Variants in ROBO1 observed in about 807,000 individuals in gnomAD.
ROBO1 encodes roundabout homolog 1.
In ROBO1, 149 loss-of-function variants were observed where a neutral mutation model predicts 195.9. The ratio of observed to expected loss-of-function variants is 0.76; its 90% CI spans 0.67 to 0.87. ROBO1 has a LOEUF of 0.87. Ranked by LOEUF, ROBO1 falls within the 40% of genes least tolerant of loss-of-function variation. The pLI is 0.00. For synonymous variants in ROBO1, 816 were observed against 733.2 expected (o/e 1.11, Z -1.82); for missense variants, 1,933 against 2,068.3 (o/e 0.93, Z 1.27).
intron 2 of ROBO1, among the ~76,000 whole-genome samples, chr3:79,183,077 A>G (rs2081374049): frequency 6.7e-6 from 1 of 148,696 alleles, no homozygotes; most frequent in Admixed American, 6.7e-5. Flanking sequence ...AGAGACTCCA[A>G]CTCAAAAAAA....
intron 3 of ROBO1, among the ~76,000 whole-genome samples, chr3:79,115,355 C>A (rs754163845): frequency 6.6e-6 from 1 of 152,026 alleles, no homozygotes; most frequent in Admixed American, 6.6e-5. Flanking sequence ...GTAAGAGATA[C>A]GAGATGGATC....
intron 1 of ROBO1, among the ~76,000 whole-genome samples, chr3:79,695,744 T>C (rs976271648): frequency 6.6e-6 from 1 of 151,450 alleles, no homozygotes; most frequent in Non-Finnish European, 1.5e-5. Context: ...AGGAATTAAG[T>C]CTTCTAAGAA....
intron 2 of ROBO1, among the ~76,000 whole-genome samples, chr3:79,266,568 A>G (rs1469058359): frequency 6.6e-6 from 1 of 151,588 alleles, no homozygotes; most frequent in Non-Finnish European, 1.5e-5. Context: ...GTATTTAAGC[A>G]TGGACTTCAC....
At chr3:79,387,682 A>C (rs2036803444) in intron 2 of ROBO1, among the ~76,000 whole-genome samples, 1 of 133,674 alleles carries the variant, frequency 7.5e-6, no homozygotes, top group African/African-American at 2.7e-5. Context: ...ACAAATATGT[A>C]ATAAGTACTC....
intron 4 of ROBO1, among the ~76,000 whole-genome samples, chr3:78,903,867 T>A (rs1010630127): frequency 4.6e-5 from 7 of 152,108 alleles, no homozygotes; most frequent in Admixed American, 4.6e-4. Flanking sequence ...TAGACCACAC[T>A]GTCTTGGTAC....
intron 3 of ROBO1, among the ~76,000 whole-genome samples, chr3:78,995,381 C>G (rs544328624): frequency 2.0e-5 from 3 of 152,212 alleles, no homozygotes; most frequent in African/African-American, 7.2e-5. Flanking sequence ...GAACCTGGAA[C>G]CGAGCAACAC....
intron 3 of ROBO1, among the ~76,000 whole-genome samples, chr3:79,113,650 C>T (rs1309001333): frequency 1.3e-5 from 2 of 151,940 alleles, no homozygotes; most frequent in Non-Finnish European, 2.9e-5. Flanking sequence ...GCCTGTAACC[C>T]GAGCTACTTG....
At chr3:79,740,236 A>AATAT (rs34984469) in intron 1 of ROBO1, among the ~76,000 whole-genome samples, 28,241 of 143,376 alleles carry the variant, frequency 0.2, 2,931 homozygotes, top group East Asian at 0.3. Context: ...TTTATATATA[A>AATAT]ATATATATAT....
At chr3:78,720,075 C>T (rs1576015756) in intron 5 of ROBO1, among the ~76,000 whole-genome samples, 1 of 152,170 alleles carries the variant, frequency 6.6e-6, no homozygotes, top group African/African-American at 2.4e-5. Flanking sequence ...AGTATAACCT[C>T]TTCTCCCACA....
chr3:79,719,116 G>A (rs1314745595), intron 1 of ROBO1, among the ~76,000 whole-genome samples: 1 of 151,920 alleles, frequency 6.6e-6, no homozygotes, highest in Non-Finnish European at 1.5e-5. Flanking sequence ...GTAATGTATA[G>A]GCTTCTTTGA....
intron 2 of ROBO1, among the ~76,000 whole-genome samples, chr3:79,412,907 T>C: frequency 8.1e-6 from 1 of 122,924 alleles, no homozygotes; most frequent in African/African-American, 2.9e-5. Context: ...TTTTTTTTTT[T>C]TTAGTAAATA....
At chr3:79,258,043 T>C (rs1431918734) in intron 2 of ROBO1, among the ~76,000 whole-genome samples, 1 of 152,110 alleles carries the variant, frequency 6.6e-6, no homozygotes, top group Non-Finnish European at 1.5e-5. Context: ...AAACTGTCTC[T>C]TTTCCTGTCT....
At chr3:79,115,613 C>T (rs2079979215) in intron 3 of ROBO1, among the ~76,000 whole-genome samples, 1 of 152,040 alleles carries the variant, frequency 6.6e-6, no homozygotes. Context: ...TGCCTATAGC[C>T]CAGTCTGCTC....
intron 2 of ROBO1, among the ~76,000 whole-genome samples, chr3:79,158,333 T>C (rs984023830): frequency 6.7e-5 from 10 of 149,960 alleles, no homozygotes; most frequent in Admixed American, 1.3e-4. Flanking sequence ...TTTTATGATA[T>C]TTACATACAA....
intron 2 of ROBO1, among the ~76,000 whole-genome samples, chr3:79,514,314 A>G (rs1940851589): frequency 6.6e-6 from 1 of 152,156 alleles, no homozygotes; most frequent in Non-Finnish European, 1.5e-5. Context: ...GCGGGGGTGG[A>G]GGAGTCAAAT....
At chr3:79,567,732 C>T (rs2107734134) in intron 2 of ROBO1, among the ~76,000 whole-genome samples, 1 of 152,094 alleles carries the variant, frequency 6.6e-6, no homozygotes, top group South Asian at 2.1e-4. Flanking sequence ...ATTGTTTCTA[C>T]TCTAAAATAC....
intron 3 of ROBO1, among the ~76,000 whole-genome samples, chr3:79,006,757 G>GAAAAAAA (rs11345487): frequency 2.6e-5 from 3 of 115,244 alleles, no homozygotes; most frequent in Non-Finnish European, 3.6e-5. Flanking sequence ...CAAAATATCG[G>GAAAAAAA]AAAAAAAAAA....
At chr3:78,998,464 T>C (rs1410834804) in intron 3 of ROBO1, among the ~76,000 whole-genome samples, 1 of 152,172 alleles carries the variant, frequency 6.6e-6, no homozygotes, top group Non-Finnish European at 1.5e-5. Flanking sequence ...TATCTTAATA[T>C]TTTGTAACAT....
chr3:78,922,767 G>A (rs151061506), intron 4 of ROBO1, among the ~76,000 whole-genome samples: 59 of 151,786 alleles, frequency 3.9e-4, no homozygotes, highest in Non-Finnish European at 2.6e-4. Flanking sequence ...GCACCACAAC[G>A]CCTGGCTAAC....
Sources: allele counts gnomAD v4.1 joint callset (sites outside exome capture counted in the v4.1 genomes callset), GRCh38; gene constraint gnomAD v4.1.1; transcripts MANE v1.5; gene names NCBI Gene and HGNC (gene_info 2026-07-23, HGNC 2026-07-21).